Variants in HS6ST3 observed in about 807,000 individuals in gnomAD.
The protein encoded by HS6ST3 is heparan-sulfate 6-O-sulfotransferase 3.
Under a neutral mutation model 36.7 loss-of-function variants are expected in HS6ST3, and 12 were observed. That is an observed-to-expected ratio of 0.33 (90% CI 0.21 to 0.53). The LOEUF (loss-of-function observed/expected upper bound fraction) is 0.53, where lower values mean the gene tolerates loss of function less well. HS6ST3 is among the 20% of genes least tolerant of loss of function. HS6ST3 has a pLI of 0.95. For synonymous variants in HS6ST3, 240 were observed against 257.5 expected (o/e 0.93, Z 0.65); for missense variants, 584 against 640.9 (o/e 0.91, Z 0.96).
intron 1 of HS6ST3, among the ~76,000 whole-genome samples, chr13:96,451,627 G>A (rs1172691723): frequency 6.6e-6 from 1 of 152,106 alleles, no homozygotes; most frequent in Non-Finnish European, 1.5e-5. Context: ...AGAGTTGATT[G>A]TTTTTATGTA....
rs983487298 is a variant in HS6ST3 at position 96,836,682 on chromosome 13, C to T, written c.*3484C>T. The T allele has an allele frequency of 6.6e-6, 1 of 151,640 alleles. No homozygotes were observed. Among genetic ancestry groups the T allele is most frequent in the Non-Finnish European group, 1.5e-5 (1 of 67,942 alleles). The allele number at this position is 151,640 out of a possible 1,614,324, so 9.4% of individuals were successfully genotyped here. A position where few individuals can be genotyped will look rare whatever the true frequency, so the allele number is the denominator to read the frequency against. On this transcript the variant is annotated 3_prime_UTR_variant, in exon 2 of 2. Coordinates refer to ENST00000376705, the MANE Select transcript of HS6ST3 (RefSeq NM_153456.4). ...TAGTACTAATATTGGCAAGAAGGTC[C>T]CCAGGATAGACCTAGCAAGGAGATA...
At chr13:96,652,529 A>G (rs2056611036) in intron 1 of HS6ST3, among the ~76,000 whole-genome samples, 1 of 152,046 alleles carries the variant, frequency 6.6e-6, no homozygotes. Context: ...CTTGGTACAC[A>G]CAATAAAAGG....
chr13:96,758,393 CTGTTG>C (rs1321147747), intron 1 of HS6ST3, among the ~76,000 whole-genome samples: 8 of 151,866 alleles, frequency 5.3e-5, no homozygotes, highest in African/African-American at 1.9e-4. Context: ...TTAATTCCAT[CTGTTG>C]ATCTTGTTTC....
At chr13:96,658,109 A>G (rs530812678) in intron 1 of HS6ST3, among the ~76,000 whole-genome samples, 1 of 152,170 alleles carries the variant, frequency 6.6e-6, no homozygotes, top group South Asian at 2.1e-4. Flanking sequence ...ATGGAATCAT[A>G]TCATCTGAAC....
At chr13:96,541,053 AAGAC>A (rs2138942001) in intron 1 of HS6ST3, among the ~76,000 whole-genome samples, 1 of 152,126 alleles carries the variant, frequency 6.6e-6, no homozygotes, top group African/African-American at 2.4e-5. Flanking sequence ...TTATTTTTCT[AAGAC>A]AGTCTCACTC....
intron 1 of HS6ST3, among the ~76,000 whole-genome samples, chr13:96,780,075 C>G (rs1177597912): frequency 6.6e-6 from 1 of 152,154 alleles, no homozygotes; most frequent in African/African-American, 2.4e-5. Context: ...AGACCTGGAA[C>G]ACAGTTCCTA....
chr13:96,424,822 TAATAA>T (rs1566357324), intron 1 of HS6ST3, among the ~76,000 whole-genome samples: 1 of 152,164 alleles, frequency 6.6e-6, no homozygotes, highest in Non-Finnish European at 1.5e-5. Flanking sequence ...ATTGATCACA[TAATAA>T]AATAAACATA....
chr13:96,183,998 G>A (rs143245081), intron 1 of HS6ST3, among the ~76,000 whole-genome samples: 234 of 151,918 alleles, frequency 1.5e-3, no homozygotes, highest in African/African-American at 5.4e-3. Context: ...GTCAAGAGAT[G>A]GAGACCATCC....
intron 1 of HS6ST3, among the ~76,000 whole-genome samples, chr13:96,436,065 G>T (rs2055640216): frequency 6.6e-6 from 1 of 152,094 alleles, no homozygotes; most frequent in African/African-American, 2.4e-5. Flanking sequence ...TTCTCTTTGG[G>T]TGTCTCTTTT....
At chr13:96,400,764 A>G (rs2055447009) in intron 1 of HS6ST3, among the ~76,000 whole-genome samples, 1 of 152,172 alleles carries the variant, frequency 6.6e-6, no homozygotes, top group Non-Finnish European at 1.5e-5. Context: ...GTAGTAAAAT[A>G]CATGGTGGTT....
chr13:96,099,006 C>T lies in HS6ST3; in HGVS notation c.707+7437C>T, dbSNP rs188110584. Among the ~76,000 whole-genome samples the T allele has an allele frequency of 8.5e-5, 13 of 152,254 alleles. 1 individual carries two copies. The highest frequency in any genetic ancestry group is 3.4e-3 in the Middle Eastern group (1 of 294). ...TCACCCAAACTGGAGTGCAGTGGCACGATCTCTGCTCACTGCAACCTCCGC... is the reference window on the plus strand; with the variant it reads ...TCACCCAAACTGGAGTGCAGTGGCATGATCTCTGCTCACTGCAACCTCCGC... On this transcript the variant is annotated intron_variant, in intron 1 of 1. Transcript: ENST00000376705.
intron 1 of HS6ST3, among the ~76,000 whole-genome samples, chr13:96,722,963 C>CA (rs1566438450): frequency 6.7e-6 from 1 of 149,960 alleles, no homozygotes; most frequent in Non-Finnish European, 1.5e-5. Flanking sequence ...GTCAATAGAG[C>CA]AAGACCCTGT....
chr13:96,798,755 C>T (rs1451360013), intron 1 of HS6ST3, among the ~76,000 whole-genome samples: 2 of 152,022 alleles, frequency 1.3e-5, no homozygotes, highest in African/African-American at 4.8e-5. Flanking sequence ...TGTGTGTAAT[C>T]TGCTAGGGTT....
intron 1 of HS6ST3, among the ~76,000 whole-genome samples, chr13:96,343,916 G>A (rs901707894): frequency 2.0e-5 from 3 of 151,998 alleles, no homozygotes; most frequent in African/African-American, 7.2e-5. Context: ...TTAATTTTTT[G>A]TATTTTTAGT....
At chr13:96,552,910 C>A (rs928672267) in intron 1 of HS6ST3, among the ~76,000 whole-genome samples, 2 of 152,108 alleles carry the variant, frequency 1.3e-5, no homozygotes, top group African/African-American at 4.8e-5. Flanking sequence ...GGAGTGCAGG[C>A]AGAAGAGATA....
At chr13:96,407,882 A>G (rs1274616566) in intron 1 of HS6ST3, among the ~76,000 whole-genome samples, 1 of 152,234 alleles carries the variant, frequency 6.6e-6, no homozygotes, top group Non-Finnish European at 1.5e-5. Context: ...CTCAGGATTC[A>G]GGGAAGATTT....
chr13:96,528,944 C>A (rs534191502), intron 1 of HS6ST3, among the ~76,000 whole-genome samples: 2 of 151,962 alleles, frequency 1.3e-5, no homozygotes, highest in African/African-American at 4.8e-5. Context: ...TTTCAGATTT[C>A]GGGAGTAAGT....
chr13:96,329,082 A>G (rs1269755115), intron 1 of HS6ST3, among the ~76,000 whole-genome samples: 1 of 148,854 alleles, frequency 6.7e-6, no homozygotes, highest in African/African-American at 2.5e-5. Context: ...TTTTTTCTTT[A>G]TTAGTCTTGC....
intron 1 of HS6ST3, among the ~76,000 whole-genome samples, chr13:96,344,033 C>T (rs573804927): frequency 6.6e-6 from 1 of 152,304 alleles, no homozygotes; most frequent in South Asian, 2.1e-4. Flanking sequence ...TGAACCACTG[C>T]ACTGGGCCTC....
Sources: allele counts gnomAD v4.1 joint callset (sites outside exome capture counted in the v4.1 genomes callset), GRCh38; gene constraint gnomAD v4.1.1; transcripts MANE v1.5; gene names NCBI Gene and HGNC (gene_info 2026-07-23, HGNC 2026-07-21).